ATXN8OS: variants seen among roughly 807,000 people sequenced by gnomAD.
The protein encoded by ATXN8OS is ATXN8 opposite strand (non-protein coding).
intron 4 of ATXN8OS, among the ~76,000 whole-genome samples, chr13:70,156,370 T>C (rs1281379150): frequency 6.6e-6 from 1 of 152,132 alleles, no homozygotes; most frequent in Non-Finnish European, 1.5e-5. Context: ...GTATAACTTT[T>C]CTGGAAATCT....
intron 3 of ATXN8OS, chr13:70,130,536 G>C: frequency 2.5e-6 from 1 of 395,116 alleles, no homozygotes; most frequent in Non-Finnish European, 4.5e-6. Flanking sequence ...ATAATGTGAT[G>C]TAGGGGAAGT....
At position 70,167,723 on chromosome 13, in the gene ATXN8OS, CTTTTTTTTTTTTTTTT is replaced by C. The variant is rs4053603; in HGVS notation, n.574-2019_574-2004del. On this transcript the variant is annotated intron_variant and non_coding_transcript_variant, in intron 4 of 4. Coordinates refer to ENST00000678624, the Ensembl canonical transcript of ATXN8OS. ...AATACTATCACAACATATGTAACTT[CTTTTTTTTTTTTTTTT>C]TTTTTTTTTTGAGACAGACAGAGTC... Among the ~76,000 whole-genome samples, 207 of 61,900 alleles carry C rather than the reference CTTTTTTTTTTTTTTTT, an allele frequency of 3.3e-3. 6 individuals carry two copies. The highest frequency in any genetic ancestry group is 3.6e-3 in the Non-Finnish European group (118 of 32,608). 40.6% of individuals were successfully genotyped at this position (61,900 alleles called of 152,430 possible).
chr13:70,107,734 A>G (rs762498239), upstream of ATXN8OS: 1 of 1,474,636 alleles, frequency 6.8e-7, no homozygotes. Context: ...CTGGCAGCTC[A>G]CGCAGGAGTA....
chr13:70,170,047 G>C (rs78162121), exon 5 of ATXN8OS, among the ~76,000 whole-genome samples: 1 of 152,072 alleles, frequency 6.6e-6, no homozygotes, highest in Non-Finnish European at 1.5e-5. Context: ...TGTGAACAGC[G>C]AGAGAAAGCA....
At chr13:70,152,517 T>C (rs1185858622) in intron 4 of ATXN8OS, among the ~76,000 whole-genome samples, 1 of 152,022 alleles carries the variant, frequency 6.6e-6, no homozygotes. Flanking sequence ...TTAATTGTTG[T>C]ATTGAAGTTA....
intron 3 of ATXN8OS, among the ~76,000 whole-genome samples, chr13:70,132,306 GATT>G (rs1009743132): frequency 5.8e-5 from 4 of 69,438 alleles, no homozygotes; most frequent in African/African-American, 2.5e-4. Context: ...ACAAAATTAT[GATT>G]TTTTTTTTTT....
intron 2 of ATXN8OS, among the ~76,000 whole-genome samples, chr13:70,124,890 T>C (rs1474077942): frequency 6.6e-6 from 1 of 151,654 alleles, no homozygotes; most frequent in Non-Finnish European, 1.5e-5. Context: ...TTCTTCTTTA[T>C]TCTCTTTCAT....
chr13:70,165,244 A>G (rs988639620), intron 4 of ATXN8OS, among the ~76,000 whole-genome samples: 6 of 151,868 alleles, frequency 4.0e-5, no homozygotes, highest in Non-Finnish European at 2.9e-5. Context: ...AAGAGTAACA[A>G]AAAAAGAAAG....
rs185673319 is a variant in ATXN8OS, at chr13:70,141,885, T to G, written n.500-5470T>G. Among the ~76,000 whole-genome samples the G allele has an allele frequency of 7.2e-5, 11 of 152,154 alleles. No homozygotes were observed. The East Asian group carries it at 2.1e-3, about 29-fold the overall frequency. On this transcript the variant is annotated intron_variant and non_coding_transcript_variant, in intron 3 of 4. Transcript: ENST00000678624. Reference sequence around the variant, plus strand: ...ATATATGTATATGTATATATAATTTTTTTTGTTATTGTTGAAACAGAGTTT... The same window carrying G: ...ATATATGTATATGTATATATAATTTGTTTTGTTATTGTTGAAACAGAGTTT...
At chr13:70,140,154 T>C (rs892698132) in intron 3 of ATXN8OS, among the ~76,000 whole-genome samples, 3 of 152,148 alleles carry the variant, frequency 2.0e-5, no homozygotes, top group African/African-American at 4.8e-5. Flanking sequence ...GGAGTTAGTA[T>C]ATTACAAGTA....
chr13:70,128,993 T>G (rs569575657), intron 2 of ATXN8OS, among the ~76,000 whole-genome samples: 1 of 152,188 alleles, frequency 6.6e-6, no homozygotes, highest in Non-Finnish European at 1.5e-5. Context: ...CCCAAGTAGC[T>G]GGGATTACAG....
chr13:70,129,959 AT>A, intron 3 of ATXN8OS: 1 of 397,804 alleles, frequency 2.5e-6, no homozygotes, highest in African/African-American at 2.1e-5. Flanking sequence ...TATTAAAAAA[AT>A]ATATGGTGGA....
chr13:70,158,291 G>T (rs1566617596), intron 4 of ATXN8OS, among the ~76,000 whole-genome samples: 1 of 152,104 alleles, frequency 6.6e-6, no homozygotes, highest in Non-Finnish European at 1.5e-5. Context: ...GGTGGCCCTT[G>T]CCTGTAATCT....
chr13:70,169,651 GCT>G (rs1889121644), intron 4 of ATXN8OS, among the ~76,000 whole-genome samples: 1 of 151,444 alleles, frequency 6.6e-6, no homozygotes, highest in South Asian at 2.1e-4. Context: ...TCTGTTTAAA[GCT>G]CTCTTTGAGG....
chr13:70,160,155 AT>A (rs1218753952), intron 4 of ATXN8OS, among the ~76,000 whole-genome samples: 1 of 144,490 alleles, frequency 6.9e-6, no homozygotes, highest in Non-Finnish European at 1.6e-5. Flanking sequence ...TGAAGGTATC[AT>A]TTTTGTTGAC....
At chr13:70,121,079 A>G (rs1398466595) in intron 2 of ATXN8OS, among the ~76,000 whole-genome samples, 2 of 111,710 alleles carry the variant, frequency 1.8e-5, no homozygotes, top group African/African-American at 5.9e-5. Context: ...AATAAAAAAA[A>G]AAGAGAGAAG....
chr13:70,136,516 T>A (rs1487065562), intron 3 of ATXN8OS, among the ~76,000 whole-genome samples: 1 of 151,964 alleles, frequency 6.6e-6, no homozygotes. Flanking sequence ...TTAATGGTAC[T>A]CATGCCACTC....
chr13:70,164,488 A>G lies in ATXN8OS; in HGVS notation n.574-5265A>G, dbSNP rs745913077. Among the ~76,000 whole-genome samples, 127 of 152,102 alleles carry G rather than the reference A, an allele frequency of 8.3e-4. 1 individual carries two copies. In the Middle Eastern group the frequency reaches 0.014, roughly 16 times the overall value. The stretch of plus-strand genomic sequence containing the variant: ...GTCTTCTGAAAGTTAAAAAATTAGG[A>G]TATTTCATCTTTGTACAAAAATATA... On this transcript the variant is annotated intron_variant and non_coding_transcript_variant, in intron 4 of 4. Coordinates refer to ENST00000678624, the Ensembl canonical transcript of ATXN8OS.
At chr13:70,119,563 G>A (rs557649930) in intron 2 of ATXN8OS, among the ~76,000 whole-genome samples, 1 of 152,148 alleles carries the variant, frequency 6.6e-6, no homozygotes, top group South Asian at 2.1e-4. Context: ...CATGGAGTTT[G>A]AAGGGATTCA....
Sources: gnomAD v4.1 joint callset for allele counts (sites outside exome capture counted in the v4.1 genomes callset) on GRCh38, gnomAD v4.1.1 for gene constraint, MANE v1.5 for transcripts, NCBI Gene and HGNC (gene_info 2026-07-23, HGNC 2026-07-21) for gene names.